The following M1AP variants were observed in gnomAD, a reference collection of about 807,000 sequenced individuals.
M1AP encodes the protein meiosis 1 associated protein.
In M1AP, 39 loss-of-function variants were observed where a neutral mutation model predicts 51.2. The observed-to-expected ratio is 0.76, with a 90% CI of 0.59 to 1.00. The LOEUF (loss-of-function observed/expected upper bound fraction) is 1.00, where lower values mean the gene tolerates loss of function less well. Ranked by LOEUF, M1AP falls within the 50% of genes least tolerant of loss-of-function variation. The pLI, the probability that M1AP is intolerant of heterozygous loss-of-function variation, is 0.00. For missense variants in M1AP, 545 were observed against 641.2 expected (o/e 0.85, Z 1.62); for synonymous variants, 251 against 249.2 (o/e 1.01, Z -0.07).
intron 4 of M1AP, among the ~76,000 whole-genome samples, chr2:74,595,361 T>G (rs1184169488): frequency 6.6e-6 from 1 of 151,596 alleles, no homozygotes. Context: ...CAAAAACAAT[T>G]TTTTTTTTGA....
chr2:74,581,238 C>T (rs1256278046), intron 5 of M1AP, among the ~76,000 whole-genome samples: 2 of 152,126 alleles, frequency 1.3e-5, no homozygotes, highest in African/African-American at 4.8e-5. Flanking sequence ...TTGCTGCCTC[C>T]CTAGCGAGAA....
At chr2:74,575,259 A>G (rs1678988915) in intron 7 of M1AP, 179 bp downstream of exon 7, 1 of 977,092 alleles carries the variant, frequency 1.0e-6, no homozygotes, top group South Asian at 4.7e-5. Context: ...TATTCTCTAT[A>G]GCATGAAACC....
chr2:74,576,852 A>C, intron 5 of M1AP: 2 of 1,301,274 alleles, frequency 1.5e-6, no homozygotes, highest in South Asian at 1.9e-5. Context: ...CATAAAAGTT[A>C]ACTTATCTTC....
chr2:74,602,054 A>G (rs1680706934), intron 4 of M1AP, among the ~76,000 whole-genome samples: 1 of 152,174 alleles, frequency 6.6e-6, no homozygotes, highest in Non-Finnish European at 1.5e-5. Flanking sequence ...TGGCTATTGG[A>G]GTAAAAGAAT....
chr2:74,633,211 T>C (rs540201673), intron 2 of M1AP, among the ~76,000 whole-genome samples: 21 of 152,310 alleles, frequency 1.4e-4, no homozygotes, highest in Admixed American at 1.0e-3. Context: ...TGCCATGGGA[T>C]GGCTGCATCC....
At position 74,567,315 on chromosome 2, in the gene M1AP, AGAAG is replaced by A. The variant is rs571687797; in HGVS notation, c.1075-4896_1075-4893del. Among the ~76,000 whole-genome samples, 22 of 152,370 alleles carry A rather than the reference AGAAG, an allele frequency of 1.4e-4. 1 individual carries two copies. The South Asian group carries it at 4.1e-3, about 29-fold the overall frequency. ...GAAATACAAACCATCCACTTTTGCT[AGAAG>A]GGAGCCCCATAGCCTTTCCTGATAT... On this transcript the variant is annotated intron_variant, in intron 7 of 10. Transcript: ENST00000421985.
intron 1 of M1AP, among the ~76,000 whole-genome samples, chr2:74,644,380 A>G (rs980071856): frequency 6.6e-6 from 1 of 152,158 alleles, no homozygotes; most frequent in East Asian, 1.9e-4. Context: ...TCTACTAAAA[A>G]TACAAAAATT....
intron 5 of M1AP, among the ~76,000 whole-genome samples, chr2:74,578,477 T>C (rs916882833): frequency 6.6e-6 from 1 of 151,312 alleles, no homozygotes; most frequent in African/African-American, 2.4e-5. Flanking sequence ...TTTTTATAAG[T>C]TCCCCATGTG....
intron 7 of M1AP, among the ~76,000 whole-genome samples, chr2:74,569,559 G>A (rs745721833): frequency 6.6e-6 from 1 of 151,914 alleles, no homozygotes; most frequent in Non-Finnish European, 1.5e-5. Context: ...ATTTTTAGTA[G>A]AGATGAGGTT....
chr2:74,629,260 A>G (rs1268524869), intron 2 of M1AP, among the ~76,000 whole-genome samples: 1 of 152,298 alleles, frequency 6.6e-6, no homozygotes, highest in East Asian at 1.9e-4. Context: ...AATTTTTGGC[A>G]TATAATTCTT....
At chr2:74,592,889 A>T (rs1387238390) in intron 4 of M1AP, among the ~76,000 whole-genome samples, 1 of 152,200 alleles carries the variant, frequency 6.6e-6, no homozygotes, top group East Asian at 1.9e-4. Context: ...GTGATTTGAG[A>T]TGTCTCCTTT....
At position 74,576,618 on chromosome 2, in the gene M1AP, A is replaced by G; in HGVS notation, c.770T>C (p.Met257Thr). The stretch of plus-strand genomic sequence containing the variant: ...CTCTTGGAGATCACATTTCAGACAC[A>G]CTACAATAAAAGGAGATTACATTTC... ...SNISRPRDNP[M>T]CLKCDLQERL... Residue 257 changes from methionine to threonine, a missense_variant and splice_region_variant, in exon 6 of 11, where the codon ATG (methionine) becomes ACG (threonine). Coordinates refer to ENST00000421985, the MANE Select transcript of M1AP (RefSeq NM_001321739.2). 1.2e-6 allele frequency: 2 copies of G among 1,613,966 alleles called. No homozygotes were observed. The highest frequency in any genetic ancestry group is 1.3e-5 in the African/African-American group (1 of 75,040).
At chr2:74,586,738 C>T (rs892781881) in intron 4 of M1AP, among the ~76,000 whole-genome samples, 1 of 152,166 alleles carries the variant, frequency 6.6e-6, no homozygotes, top group Admixed American at 6.5e-5. Flanking sequence ...CGGTGGCTCA[C>T]GCCTGTAATC....
At position 74,558,991 on chromosome 2, in the gene M1AP, C is replaced by T. The variant is rs1002058513; in HGVS notation, c.1435-117G>A. 6.9e-6 allele frequency: 7 copies of T among 1,009,482 alleles called. No individual in the cohort carries two copies. The African/African-American group carries it at 1.2e-4, about 17-fold the overall frequency. The allele number at this position is 1,009,482 out of a possible 1,614,324, so 62.5% of individuals were successfully genotyped here. On this transcript the variant is annotated intron_variant, in intron 10 of 10. Transcript: ENST00000421985. ...CTAAGTTCATTCCCTGGAGTGACAG[C>T]CTCAAGGCCGAGGACAGTGATCTGG...
intron 2 of M1AP, among the ~76,000 whole-genome samples, chr2:74,636,269 A>G (rs1237194619): frequency 6.6e-6 from 1 of 151,644 alleles, no homozygotes; most frequent in Non-Finnish European, 1.5e-5. Context: ...ATATTAATAA[A>G]TCCACTCCTG....
At chr2:74,564,140 G>T (rs1044909169) in intron 7 of M1AP, among the ~76,000 whole-genome samples, 5 of 152,212 alleles carry the variant, frequency 3.3e-5, no homozygotes, top group Non-Finnish European at 5.9e-5. Flanking sequence ...GAGGAAAGAG[G>T]ATTATCAGTG....
chr2:74,642,392 A>G (rs1484061885), intron 1 of M1AP, among the ~76,000 whole-genome samples: 1 of 152,206 alleles, frequency 6.6e-6, no homozygotes. Context: ...AAATGATATG[A>G]TCATCCCAAT....
At chr2:74,636,002 G>T (rs1682969539) in intron 2 of M1AP, among the ~76,000 whole-genome samples, 1 of 152,008 alleles carries the variant, frequency 6.6e-6, no homozygotes. Context: ...AGATCCTGTT[G>T]GCTGATGTTT....
chr2:74,559,513 A>G (rs1409456289), intron 10 of M1AP, among the ~76,000 whole-genome samples, 185 bp downstream of exon 10: 2 of 151,748 alleles, frequency 1.3e-5, no homozygotes, highest in Non-Finnish European at 2.9e-5. Context: ...GAAAAAGTTA[A>G]TAAGGGCAAA....
Sources: allele counts gnomAD v4.1 joint callset (sites outside exome capture counted in the v4.1 genomes callset), GRCh38; gene constraint gnomAD v4.1.1; transcripts MANE v1.5; gene names NCBI Gene and HGNC (gene_info 2026-07-23, HGNC 2026-07-21).